CACNA1C: variants seen among roughly 807,000 people sequenced by gnomAD.
The protein encoded by CACNA1C is voltage-dependent L-type calcium channel subunit alpha-1C.
CACNA1C carries 30 observed loss-of-function variants against 229.0 expected under a neutral mutation model. The ratio of observed to expected loss-of-function variants is 0.13; its 90% CI spans 0.10 to 0.18. The LOEUF is 0.18. CACNA1C is among the 10% of genes least tolerant of loss of function. The pLI, the probability that CACNA1C is intolerant of heterozygous loss-of-function variation, is 1.00. For synonymous variants in CACNA1C, 1,114 were observed against 1,132.5 expected, an observed-to-expected ratio of 0.98 and a Z score of 0.33; for missense variants, 1,658 against 2,845.0, an observed-to-expected ratio of 0.58 and a Z score of 9.49.
At position 2,666,180 on chromosome 12, in the gene CACNA1C, C is replaced by T. The variant is rs1271652582; in HGVS notation, c.4526+472C>T. On this transcript the variant is annotated intron_variant, in intron 36 of 46. Transcript: ENST00000399655. This position sits in a 1 kb window ranked among gnomAD's most constrained non-coding sequence, Gnocchi z 5.3. Reference sequence around the variant, plus strand: ...CTCCAGCCTGGGCGACAGAGCAAGACTCCATCTAAAAAAGAAAAAGAAAAT... The same window carrying T: ...CTCCAGCCTGGGCGACAGAGCAAGATTCCATCTAAAAAAGAAAAAGAAAAT... Among the ~76,000 whole-genome samples the T allele has an allele frequency of 2.3e-5, 3 of 132,964 alleles. No individual in the cohort carries two copies. Among genetic ancestry groups the T allele is most frequent in the African/African-American group, 7.6e-5 (3 of 39,590 alleles). The allele number at this position is 132,964 out of a possible 152,430, so 87.2% of individuals were successfully genotyped here. A position where few individuals can be genotyped will look rare whatever the true frequency, so the allele number is the denominator to read the frequency against.
intron 1 of CACNA1C, among the ~76,000 whole-genome samples, chr12:2,113,496 A>G (rs2082570125): frequency 6.6e-6 from 1 of 152,306 alleles, no homozygotes; most frequent in African/African-American, 2.4e-5. Context: ...CAGCAACCTT[A>G]GGACCCAGCA....
chr12:2,247,027 G>A (rs1196544454), intron 3 of CACNA1C, among the ~76,000 whole-genome samples: 1 of 152,156 alleles, frequency 6.6e-6, no homozygotes, highest in Non-Finnish European at 1.5e-5. Flanking sequence ...AAAAACTTAA[G>A]CTAAGACTAT....
intron 43 of CACNA1C, among the ~76,000 whole-genome samples, chr12:2,683,611 C>T (rs1402880745): frequency 6.6e-6 from 1 of 152,230 alleles, no homozygotes; most frequent in Non-Finnish European, 1.5e-5. Flanking sequence ...CATGGGCTTG[C>T]GTGCAGCCAC....
At chr12:2,228,903 T>A (rs1015730677) in intron 3 of CACNA1C, among the ~76,000 whole-genome samples, 1 of 152,106 alleles carries the variant, frequency 6.6e-6, no homozygotes, top group Admixed American at 6.6e-5. Context: ...AGTGAGTGAT[T>A]GAGATGGAGT....
chr12:2,409,200 C>T (rs756118049), intron 3 of CACNA1C, among the ~76,000 whole-genome samples: 3 of 152,214 alleles, frequency 2.0e-5, no homozygotes, highest in Non-Finnish European at 4.4e-5. Flanking sequence ...GGATGAAGCA[C>T]CCTGATGTAG....
In CACNA1C at chr12:2,181,731, T is replaced by A. The variant is rs1344870176; in HGVS notation, c.477+61301T>A. The stretch of plus-strand genomic sequence containing the variant: ...ACGATATCGTTTTTTTACAGCTCAT[T>A]ACTGAATCCTCACAATAACCCCATG... On this transcript the variant is annotated intron_variant, in intron 3 of 46. Transcript: ENST00000399655. This position sits in a 1 kb window ranked among gnomAD's most constrained non-coding sequence, Gnocchi z 4.0. 6.6e-6 allele frequency among the ~76,000 whole-genome samples: 1 copy of A among 152,118 alleles called. No homozygotes were observed. The highest frequency in any genetic ancestry group is 2.4e-5 in the African/African-American group (1 of 41,420).
rs1468320708 is a variant in CACNA1C, at chr12:2,691,075, T to G, written c.6293T>G (p.Val2098Gly). 6.2e-7 allele frequency: 1 copy of G among 1,611,202 alleles called. No individual in the cohort carries two copies. The highest frequency in any genetic ancestry group is 8.5e-7 in the Non-Finnish European group (1 of 1,178,920). Residue 2098 changes from valine to glycine, a missense_variant, in exon 47 of 47, where the codon GTG becomes GGG. By Grantham distance (109) the Val-to-Gly change is moderately radical (BLOSUM62 -3). Around this residue, in one of 20 missense-constraint regions of CACNA1C, gnomAD observed 590 missense variants for 700.8 expected, o/e 0.84. Transcript: ENST00000399655. Reference sequence around the variant, plus strand: ...CCCAATGGCGCCCTCTTACCCTTTGTGAACTGCAGGGACGCGGGGCAGGAC... The same window carrying G: ...CCCAATGGCGCCCTCTTACCCTTTGGGAACTGCAGGGACGCGGGGCAGGAC... ...QSPNGALLPFVNCRDAGQDRA... is the reference protein window; with the variant it reads ...QSPNGALLPFGNCRDAGQDRA...
intron 3 of CACNA1C, among the ~76,000 whole-genome samples, chr12:2,127,703 G>A (rs980477510): frequency 2.0e-5 from 3 of 152,148 alleles, no homozygotes; most frequent in Non-Finnish European, 4.4e-5. Flanking sequence ...CAGATTTTCC[G>A]GCTGAATGGG....
chr12:2,286,460 C>A lies in CACNA1C; in HGVS notation c.478-162516C>A, dbSNP rs117311450. On this transcript the variant is annotated intron_variant, in intron 3 of 46. Transcript: ENST00000399655. ...GAAGGGCCAGTGTCTACAGGCTCTGCACAGTAAGGACCCTGTGGGAAGATG... is the reference window on the plus strand; with the variant it reads ...GAAGGGCCAGTGTCTACAGGCTCTGAACAGTAAGGACCCTGTGGGAAGATG... 8.6e-3 allele frequency among the ~76,000 whole-genome samples: 1,311 copies of A among 152,302 alleles called. 11 individuals carry two copies. The highest frequency in any genetic ancestry group is 0.015 in the Non-Finnish European group (1,024 of 68,030).
At chr12:2,163,929 G>A (rs143354656) in intron 3 of CACNA1C, among the ~76,000 whole-genome samples, 20 of 152,308 alleles carry the variant, frequency 1.3e-4, no homozygotes, top group African/African-American at 2.4e-4. Context: ...TCACGTTCCC[G>A]TGTGGAGTAG....
chr12:2,516,154 G>T (rs1598620196), intron 9 of CACNA1C, among the ~76,000 whole-genome samples: 1 of 152,160 alleles, frequency 6.6e-6, no homozygotes, highest in South Asian at 2.1e-4. Flanking sequence ...AGACGTGGAG[G>T]CTGGAAGGAA....
chr12:2,059,732 C>G (rs1025462254), intron 1 of CACNA1C, among the ~76,000 whole-genome samples: 1 of 152,158 alleles, frequency 6.6e-6, no homozygotes, highest in African/African-American at 2.4e-5. Context: ...ACCTTAGAGA[C>G]AATCCTCATT....
rs2076239737 is a variant in CACNA1C at position 2,608,369 on chromosome 12, A to T, written c.3357-142A>T. ...ACGCTTTGCCCAAGGTCACACAGCC[A>T]GTAAGAGGCCGAGCTGGGACTCCAG... On this transcript the variant is annotated intron_variant, in intron 26 of 46. Transcript: ENST00000399655. The surrounding 1 kb of genome is among the most constrained non-coding windows in gnomAD (Gnocchi z 4.2). 1 of 592,678 alleles carries T rather than the reference A, an allele frequency of 1.7e-6. No homozygotes were observed. Among genetic ancestry groups the T allele is most frequent in the Admixed American group, 3.0e-5 (1 of 33,304 alleles). The allele number at this position is 592,678 out of a possible 1,614,324, so 36.7% of individuals were successfully genotyped here.
At chr12:2,643,607 G>T (rs1464047792) in intron 30 of CACNA1C, among the ~76,000 whole-genome samples, 1 of 152,112 alleles carries the variant, frequency 6.6e-6, no homozygotes, top group Non-Finnish European at 1.5e-5. Context: ...AAAATGTCTT[G>T]CCCCGCTGCC....
At chr12:2,228,386 A>G (rs1056674415) in intron 3 of CACNA1C, among the ~76,000 whole-genome samples, 1 of 152,200 alleles carries the variant, frequency 6.6e-6, no homozygotes, top group Non-Finnish European at 1.5e-5. Flanking sequence ...TTACTTGCCC[A>G]GGTCTTAAAC....
intron 1 of CACNA1C, among the ~76,000 whole-genome samples, chr12:2,072,201 A>AAT (rs1565508687): frequency 1.3e-5 from 2 of 150,864 alleles, no homozygotes; most frequent in Admixed American, 6.6e-5. Flanking sequence ...ATATACAAAA[A>AAT]ATATATATAT....
At chr12:2,580,125 C>A (rs569987124) in intron 13 of CACNA1C, among the ~76,000 whole-genome samples, 1 of 152,202 alleles carries the variant, frequency 6.6e-6, no homozygotes, top group South Asian at 2.1e-4. Flanking sequence ...AATCTTCTGC[C>A]GTCTAAAATT....
At chr12:2,016,072 C>T (rs1407085941) in intron 1 of CACNA1C, among the ~76,000 whole-genome samples, 2 of 152,182 alleles carry the variant, frequency 1.3e-5, no homozygotes, top group Admixed American at 1.3e-4. Context: ...ATGACCAATT[C>T]AGTGGGAAAT....
chr12:2,633,429 G>A lies in CACNA1C; in HGVS notation c.3829-868G>A, dbSNP rs1177341481. ...GGGGGCCACGTGACCGAGGGAATGC[G>A]GGCAGTAGGGTTAGAGTGTCGCCTC... On this transcript the variant is annotated intron_variant, in intron 29 of 46. Transcript: ENST00000399655. This position sits in a 1 kb window ranked among gnomAD's most constrained non-coding sequence, Gnocchi z 5.8. Among the ~76,000 whole-genome samples the A allele has an allele frequency of 1.3e-5, 2 of 152,138 alleles. No individual in the cohort carries two copies. Among genetic ancestry groups the A allele is most frequent in the Non-Finnish European group, 2.9e-5 (2 of 68,028 alleles).
Sources: gnomAD v4.1 joint callset for allele counts (sites outside exome capture counted in the v4.1 genomes callset) on GRCh38, gnomAD v4.1.1 for gene constraint, gnomAD v4.1.1 regional missense constraint, Gnocchi (gnomAD v3.1) non-coding constraint, MANE v1.5 for transcripts, NCBI Gene and HGNC (gene_info 2026-07-23, HGNC 2026-07-21) for gene names.